The following DOCK10 variants were observed in gnomAD, a reference collection of about 807,000 sequenced individuals.
DOCK10 encodes the protein dedicator of cytokinesis 10.
DOCK10 carries 145 observed loss-of-function variants against 280.1 expected under a neutral mutation model. That is an observed-to-expected ratio of 0.52 (90% CI 0.45 to 0.59). The LOEUF is 0.59. Among genes scored for constraint, DOCK10 ranks in the 20% least tolerant of loss-of-function variants. The probability of loss-of-function intolerance (pLI) is 0.00; values close to 1 mark genes in which losing one functional copy is unlikely to be tolerated. For synonymous variants in DOCK10, 915 were observed against 942.2 expected, an observed-to-expected ratio of 0.97 and a Z score of 0.53; for missense variants, 2,368 against 2,651.7, an observed-to-expected ratio of 0.89 and a Z score of 2.35.
intron 1 of DOCK10, among the ~76,000 whole-genome samples, chr2:225,035,552 AT>A (rs374155161): frequency 0.025 from 516 of 20,836 alleles, 22 homozygotes; most frequent in Middle Eastern, 0.083. Flanking sequence ...TTATATATAT[AT>A]ATATATATAT....
intron 1 of DOCK10, among the ~76,000 whole-genome samples, chr2:224,949,297 G>A (rs145353663): frequency 6.6e-6 from 1 of 152,276 alleles, no homozygotes; most frequent in African/African-American, 2.4e-5. Context: ...TCCTAGCTAG[G>A]ACAATGGGCA....
chr2:224,976,956 G>A (rs1178241462), intron 1 of DOCK10, among the ~76,000 whole-genome samples: 1 of 152,180 alleles, frequency 6.6e-6, no homozygotes, highest in African/African-American at 2.4e-5. Flanking sequence ...TCAGAGTGCT[G>A]GACCGAGCAA....
intron 11 of DOCK10, among the ~76,000 whole-genome samples, chr2:224,868,117 C>T (rs562920256): frequency 2.6e-3 from 390 of 152,032 alleles, no homozygotes; most frequent in Non-Finnish European, 4.0e-3. Flanking sequence ...AAAGTATCAA[C>T]ATGCAAAGGA....
In DOCK10 at chr2:224,901,718, A is replaced by G. The variant is rs146030229; in HGVS notation, c.334-5341T>C. On this transcript the variant is annotated intron_variant, in intron 3 of 55. Coordinates refer to ENST00000258390, the MANE Select transcript of DOCK10 (RefSeq NM_014689.3). ...AGAAATCTACATTGTAAAAAGTACT[A>G]CAGGTGATTCTGAAGGACATAGAGA... Among the ~76,000 whole-genome samples the G allele has an allele frequency of 9.2e-3, 1,395 of 152,336 alleles. 15 individuals are homozygous for G. Among genetic ancestry groups the G allele is most frequent in the African/African-American group, 0.03 (1,268 of 41,584 alleles).
In DOCK10 at chr2:224,823,525, G is replaced by T; in HGVS notation, c.3159C>A (p.Asn1053Lys). 2 of 1,606,852 alleles carry T rather than the reference G, an allele frequency of 1.2e-6. No individual in the cohort carries two copies. The highest frequency in any genetic ancestry group is 1.7e-6 in the Non-Finnish European group (2 of 1,177,878). ...KDALEETRRANHSVARFLKRC... is the reference protein window; with the variant it reads ...KDALEETRRAKHSVARFLKRC... ...CCTTGAGAAATCTGGCAACGCTGTG[G>T]TTTGCCCTTCTTGTTTCTTCAAGTG... The change falls in exon 28 of 56, where the codon AAC (asparagine) becomes AAA (lysine). Residue 1053 changes from asparagine to lysine, a missense_variant. By Grantham distance (94) the Asn-to-Lys change is moderately conservative (BLOSUM62 0). Transcript: ENST00000258390.
At chr2:224,974,292 A>C (rs760140075) in intron 1 of DOCK10, among the ~76,000 whole-genome samples, 1 of 152,192 alleles carries the variant, frequency 6.6e-6, no homozygotes, top group African/African-American at 2.4e-5. Context: ...TGGTCTTAAA[A>C]ACTAAAATAC....
chr2:224,916,586 G>A, intron 3 of DOCK10, 109 bp downstream of exon 3: 1 of 639,814 alleles, frequency 1.6e-6, no homozygotes, highest in Non-Finnish European at 2.6e-6. Flanking sequence ...TAGAATATTT[G>A]GAATTATCTA....
intron 1 of DOCK10, among the ~76,000 whole-genome samples, chr2:224,944,062 C>T (rs1288670597): frequency 2.0e-5 from 3 of 152,098 alleles, no homozygotes; most frequent in South Asian, 4.1e-4. Context: ...CATGCCCGGC[C>T]GGTTTAGATT....
intron 1 of DOCK10, among the ~76,000 whole-genome samples, chr2:225,041,062 C>G (rs1446279558): frequency 2.6e-5 from 4 of 152,140 alleles, no homozygotes; most frequent in African/African-American, 7.2e-5. Flanking sequence ...CTCTACACCC[C>G]CTGGGCACCC....
intron 7 of DOCK10, among the ~76,000 whole-genome samples, chr2:224,879,108 G>T (rs1698818976): frequency 6.6e-6 from 1 of 152,320 alleles, no homozygotes; most frequent in Non-Finnish European, 1.5e-5. Context: ...ACAAGTAAAA[G>T]GTCAGAGTTG....
chr2:224,893,922 C>T (rs1699844201), intron 4 of DOCK10, among the ~76,000 whole-genome samples: 1 of 152,104 alleles, frequency 6.6e-6, no homozygotes. Context: ...TACATGTAGT[C>T]TTTAGAGGGG....
At chr2:225,003,203 C>T (rs978134119) in intron 1 of DOCK10, among the ~76,000 whole-genome samples, 1 of 152,112 alleles carries the variant, frequency 6.6e-6, no homozygotes, top group Non-Finnish European at 1.5e-5. Context: ...TACCACCACA[C>T]CTGGCTAATG....
In DOCK10 at chr2:224,777,776, C is replaced by A. The variant is rs146623048; in HGVS notation, c.5802+362G>T. Among the ~76,000 whole-genome samples, 493 of 152,254 alleles carry A rather than the reference C, an allele frequency of 3.2e-3. 2 individuals are homozygous for A. Among genetic ancestry groups the A allele is most frequent in the African/African-American group, 0.011 (458 of 41,520 alleles). On this transcript the variant is annotated intron_variant, in intron 51 of 55. Coordinates refer to ENST00000258390, the MANE Select transcript of DOCK10 (RefSeq NM_014689.3). ...TGTTAGTCCTGTTCCTCTAGAGAAC[C>A]CTGACTAATACGCCTGGGAAGACTT...
intron 28 of DOCK10, among the ~76,000 whole-genome samples, chr2:224,823,233 G>T (rs1011078250): frequency 4.6e-5 from 7 of 151,720 alleles, no homozygotes; most frequent in Admixed American, 3.3e-4. Flanking sequence ...TGATCTGCCC[G>T]CCTTGGCCTC....
At chr2:224,865,149 G>A (rs887839399) in intron 11 of DOCK10, 62 bp from the exon 12 acceptor site, 26 of 1,474,942 alleles carry the variant, frequency 1.8e-5, no homozygotes, top group African/African-American at 5.6e-5. Context: ...AGACAGCCTC[G>A]TTAGTACATC....
chr2:224,784,816 C>T, intron 50 of DOCK10: 1 of 1,241,936 alleles, frequency 8.1e-7, no homozygotes, highest in South Asian at 1.2e-5. Context: ...CAGCGTGATT[C>T]ACTTCTACCT....
intron 24 of DOCK10, 113 bp downstream of exon 24, chr2:224,839,841 T>G: frequency 2.2e-6 from 1 of 462,870 alleles, no homozygotes; most frequent in Non-Finnish European, 3.9e-6. Context: ...AAATTTGAGA[T>G]GTGTTCAAAT....
chr2:224,844,894 A>T, intron 21 of DOCK10, 55 bp from the exon 22 acceptor site: 1 of 1,248,844 alleles, frequency 8.0e-7, no homozygotes, highest in South Asian at 1.3e-5. Context: ...AAAGAAAATA[A>T]ATAGATTGTT....
intron 51 of DOCK10, among the ~76,000 whole-genome samples, chr2:224,777,026 C>A (rs1243429183): frequency 6.6e-6 from 1 of 152,164 alleles, no homozygotes; most frequent in Non-Finnish European, 1.5e-5. Flanking sequence ...ACTGTGAGCT[C>A]CAGAAGGAAA....
Sources: allele counts gnomAD v4.1 joint callset (sites outside exome capture counted in the v4.1 genomes callset), GRCh38; gene constraint gnomAD v4.1.1; transcripts MANE v1.5; gene names NCBI Gene and HGNC (gene_info 2026-07-23, HGNC 2026-07-21).